Variants in PHACTR3 observed in about 807,000 individuals in gnomAD.
The protein encoded by PHACTR3 is protein phosphatase 1, regulatory subunit 123.
In PHACTR3, 16 loss-of-function variants were observed where a neutral mutation model predicts 66.8. That is an observed-to-expected ratio of 0.24 (90% CI 0.16 to 0.36). PHACTR3 has a LOEUF of 0.36. PHACTR3 is among the 10% of genes least tolerant of loss of function. The pLI is 1.00. For synonymous variants in PHACTR3, 323 were observed against 292.1 expected (o/e 1.11, Z -1.08); for missense variants, 647 against 719.9 (o/e 0.90, Z 1.16).
At chr20:59,645,168 G>A (rs1447623105) in intron 1 of PHACTR3, among the ~76,000 whole-genome samples, 2 of 151,008 alleles carry the variant, frequency 1.3e-5, no homozygotes, top group African/African-American at 4.9e-5. Context: ...GCCTCCAGCT[G>A]CATCCATGTT....
rs142946707 is a variant in PHACTR3, at chr20:59,634,728, C to T, written c.118+29596C>T. Among the ~76,000 whole-genome samples the T allele has an allele frequency of 9.9e-3, 1,500 of 152,280 alleles. 27 individuals are homozygous for T. The highest frequency in any genetic ancestry group is 0.034 in the African/African-American group (1,393 of 41,560). ...TTTCAGAGGCCTCATTATAGGTGAG[C>T]GCCATCCAGCAGAACGTCCTGTGAT... is the stretch of plus-strand genomic sequence containing the variant. On this transcript the variant is annotated intron_variant, in intron 1 of 12. Transcript: ENST00000371015.
intron 1 of PHACTR3, chr20:59,577,734 C>A: frequency 1.5e-6 from 1 of 681,108 alleles, no homozygotes; most frequent in Non-Finnish European, 1.9e-6. Flanking sequence ...TGCGGGTGGC[C>A]GGGAGGCCCG....
chr20:59,681,619 T>A (rs572713137), intron 1 of PHACTR3, among the ~76,000 whole-genome samples: 34 of 152,212 alleles, frequency 2.2e-4, no homozygotes, highest in African/African-American at 8.2e-4. Flanking sequence ...GGAGGCTGAG[T>A]CAACAAGGAG....
chr20:59,685,015 C>T (rs1011686031), intron 1 of PHACTR3, among the ~76,000 whole-genome samples: 1 of 152,180 alleles, frequency 6.6e-6, no homozygotes, highest in African/African-American at 2.4e-5. Flanking sequence ...TCTGGCGTGT[C>T]CTCCCCACTC....
In PHACTR3 at chr20:59,731,352, A is replaced by G. The variant is rs189246728; in HGVS notation, c.119-11755A>G. 2.8e-3 allele frequency among the ~76,000 whole-genome samples: 424 copies of G among 152,322 alleles called. 3 individuals are homozygous for G. Among genetic ancestry groups the G allele is most frequent in the Non-Finnish European group, 5.3e-3 (360 of 68,028 alleles). ...GGCCTCTTGTACAATAATTTTTATAAGAGTTTGTTCTTTGCAAATGCAGAT... is the reference window on the plus strand; with the variant it reads ...GGCCTCTTGTACAATAATTTTTATAGGAGTTTGTTCTTTGCAAATGCAGAT... On this transcript the variant is annotated intron_variant, in intron 1 of 12. Transcript: ENST00000371015.
At chr20:59,773,250 T>C in intron 5 of PHACTR3, 29 bp from the exon 6 acceptor site, 1 of 1,602,750 alleles carries the variant, frequency 6.2e-7, no homozygotes, top group African/African-American at 1.3e-5. Flanking sequence ...TGAAGACCTA[T>C]GTTCTTGCTG....
rs560281429 is a variant in PHACTR3 at position 59,627,403 on chromosome 20, C to G, written c.118+22271C>G. 2.0e-5 allele frequency among the ~76,000 whole-genome samples: 3 copies of G among 152,322 alleles called. No individual in the cohort carries two copies. The East Asian group carries it at 5.8e-4, about 29-fold the overall frequency. On this transcript the variant is annotated intron_variant, in intron 1 of 12. Transcript: ENST00000371015. ...GAGCTAGATGTGGTGTGAGAGGGAT[C>G]AGATGGCTGGGATGAGACAGAAGAG...
At chr20:59,798,612 A>G (rs2041322481) in intron 7 of PHACTR3, among the ~76,000 whole-genome samples, 1 of 152,050 alleles carries the variant, frequency 6.6e-6, no homozygotes, top group African/African-American at 2.4e-5. Flanking sequence ...GAAGTTGTTC[A>G]TTTTATATCA....
intron 2 of PHACTR3, 116 bp from the exon 3 acceptor site, chr20:59,747,642 G>C: frequency 8.4e-7 from 1 of 1,195,170 alleles, no homozygotes; most frequent in African/African-American, 1.5e-5. Flanking sequence ...ACCCCGAGGC[G>C]CCTGCTAGCT....
chr20:59,651,851 AGGTAGG>A (rs2035469619), intron 1 of PHACTR3, among the ~76,000 whole-genome samples: 1 of 138,650 alleles, frequency 7.2e-6, no homozygotes, highest in Non-Finnish European at 1.5e-5. Flanking sequence ...GTAGGTAGGT[AGGTAGG>A]TAGGTAGGTA....
chr20:59,784,202 G>A (rs2040826382), intron 7 of PHACTR3, among the ~76,000 whole-genome samples: 1 of 152,076 alleles, frequency 6.6e-6, no homozygotes, highest in African/African-American at 2.4e-5. Context: ...CACTCCAGCC[G>A]CTGGCCTGCC....
intron 1 of PHACTR3, among the ~76,000 whole-genome samples, chr20:59,676,363 T>A (rs566311091): frequency 1.3e-5 from 2 of 151,972 alleles, no homozygotes; most frequent in South Asian, 2.1e-4. Flanking sequence ...CAGAGAGGAG[T>A]GGGCGCCTGG....
intron 1 of PHACTR3, among the ~76,000 whole-genome samples, chr20:59,648,981 A>G (rs772646407): frequency 6.6e-6 from 1 of 152,194 alleles, no homozygotes; most frequent in Admixed American, 6.5e-5. Flanking sequence ...GGCTGGGAAT[A>G]TAGGCATCGA....
At chr20:59,632,470 G>T (rs73301461) in intron 1 of PHACTR3, among the ~76,000 whole-genome samples, 1 of 152,168 alleles carries the variant, frequency 6.6e-6, no homozygotes, top group Non-Finnish European at 1.5e-5. Context: ...AGAGCTGGTC[G>T]GCTGTGGGCT....
intron 1 of PHACTR3, among the ~76,000 whole-genome samples, chr20:59,579,059 C>T (rs1481600056): frequency 6.6e-6 from 1 of 152,318 alleles, no homozygotes; most frequent in Middle Eastern, 3.4e-3. Flanking sequence ...AGTGCCCTCC[C>T]CTAAAGCACC....
intron 7 of PHACTR3, among the ~76,000 whole-genome samples, chr20:59,795,279 A>T (rs1204031162): frequency 6.6e-6 from 1 of 151,632 alleles, no homozygotes; most frequent in East Asian, 1.9e-4. Flanking sequence ...TTATTTCCTC[A>T]TATTTGAAAA....
chr20:59,780,666 G>A (rs1264784670), intron 7 of PHACTR3, among the ~76,000 whole-genome samples: 2 of 152,184 alleles, frequency 1.3e-5, no homozygotes, highest in South Asian at 4.1e-4. Context: ...CATTGGGAAT[G>A]TCACAGGGAG....
chr20:59,638,829 G>A (rs2034994835), intron 1 of PHACTR3, among the ~76,000 whole-genome samples: 1 of 149,722 alleles, frequency 6.7e-6, no homozygotes. Context: ...TGGGTAGATG[G>A]ATGGATGGGT....
At chr20:59,665,785 G>T (rs1330996246) in intron 1 of PHACTR3, among the ~76,000 whole-genome samples, 3 of 152,102 alleles carry the variant, frequency 2.0e-5, no homozygotes, top group Non-Finnish European at 4.4e-5. Context: ...GGACTCAGAG[G>T]CTTACATTCT....
Sources: gnomAD v4.1 joint callset for allele counts (sites outside exome capture counted in the v4.1 genomes callset) on GRCh38, gnomAD v4.1.1 for gene constraint, MANE v1.5 for transcripts, NCBI Gene and HGNC (gene_info 2026-07-23, HGNC 2026-07-21) for gene names.